Variants in USP34 observed in about 807,000 individuals in gnomAD.
USP34 encodes the protein ubiquitin specific peptidase 34.
In USP34, 70 loss-of-function variants were observed where a neutral mutation model predicts 460.3. The ratio of observed to expected loss-of-function variants is 0.15; its 90% CI spans 0.13 to 0.19. USP34 has a LOEUF of 0.19. USP34 is among the 10% of genes least tolerant of loss of function. The pLI is 1.00. For synonymous variants in USP34, 1,647 were observed against 1,405.3 expected, an observed-to-expected ratio of 1.17 and a Z score of -3.85; for missense variants, 3,985 against 4,236.2, an observed-to-expected ratio of 0.94 and a Z score of 1.65.
intron 29 of USP34, among the ~76,000 whole-genome samples, chr2:61,297,749 ATTTTTT>A (rs113839986): frequency 6.0e-5 from 9 of 149,932 alleles, no homozygotes; most frequent in Admixed American, 6.0e-4. Flanking sequence ...GAAAATCTTT[ATTTTTT>A]TTTTGAGATG....
chr2:61,394,401 A>G (rs1457388225), intron 5 of USP34, among the ~76,000 whole-genome samples: 1 of 152,082 alleles, frequency 6.6e-6, no homozygotes, highest in African/African-American at 2.4e-5. Context: ...CTCTAAAAAA[A>G]GTACAAAAAT....
At chr2:61,223,460 C>T in intron 62 of USP34, 164 bp from the exon 63 acceptor site, 2 of 644,414 alleles carry the variant, frequency 3.1e-6, no homozygotes, top group Non-Finnish European at 5.2e-6. Flanking sequence ...GTCTTTTGGG[C>T]AACTTTTCAA....
intron 1 of USP34, among the ~76,000 whole-genome samples, chr2:61,424,109 T>C (rs964713640): frequency 2.6e-5 from 4 of 152,182 alleles, no homozygotes; most frequent in African/African-American, 9.6e-5. Flanking sequence ...AATTACCATA[T>C]GATCCAGCAA....
At chr2:61,452,006 C>CTACTAAAAA (rs1324191579) in intron 1 of USP34, among the ~76,000 whole-genome samples, 1 of 151,736 alleles carries the variant, frequency 6.6e-6, no homozygotes, top group Non-Finnish European at 1.5e-5. Flanking sequence ...AAACCCGTCT[C>CTACTAAAAA]TACTAAAAAT....
chr2:61,278,092 G>T (rs1689425559), intron 41 of USP34, 73 bp downstream of exon 41: 3 of 1,557,456 alleles, frequency 1.9e-6, no homozygotes, highest in Non-Finnish European at 2.6e-6. Flanking sequence ...TGTAAAAACG[G>T]ACTAATACAC....
intron 2 of USP34, among the ~76,000 whole-genome samples, chr2:61,420,370 G>C (rs912844836): frequency 4.6e-5 from 7 of 152,028 alleles, no homozygotes; most frequent in African/African-American, 1.7e-4. Context: ...TATAGAAACG[G>C]AACAGATATT....
At chr2:61,281,266 A>ATC in intron 37 of USP34, 24 bp from the exon 38 acceptor site, 1 of 1,603,366 alleles carries the variant, frequency 6.2e-7, no homozygotes, top group Non-Finnish European at 8.5e-7. Flanking sequence ...AAAGTTCCAC[A>ATC]AACAGTGAGA....
intron 15 of USP34, among the ~76,000 whole-genome samples, 176 bp from the exon 16 acceptor site, chr2:61,344,205 T>C (rs1378042983): frequency 6.6e-6 from 1 of 152,192 alleles, no homozygotes; most frequent in Non-Finnish European, 1.5e-5. Flanking sequence ...ACTGTCAGAA[T>C]TATTAAATAA....
At chr2:61,317,481 C>T (rs1015396213) in intron 23 of USP34, among the ~76,000 whole-genome samples, 173 bp downstream of exon 23, 1 of 152,174 alleles carries the variant, frequency 6.6e-6, no homozygotes, top group Admixed American at 6.5e-5. Flanking sequence ...GAGCTGAGAT[C>T]ACACCACTGC....
intron 1 of USP34, among the ~76,000 whole-genome samples, chr2:61,422,412 T>G (rs546580118): frequency 3.3e-5 from 5 of 152,322 alleles, no homozygotes; most frequent in Admixed American, 6.5e-5. Flanking sequence ...ACAGCCTAGC[T>G]GCTAACCAAC....
At position 61,295,262 on chromosome 2, in the gene USP34, A is replaced by T; in HGVS notation, c.4283T>A (p.Leu1428His). 5 of 1,606,572 alleles carry T rather than the reference A, an allele frequency of 3.1e-6. No homozygotes were observed. Among genetic ancestry groups the T allele is most frequent in the Non-Finnish European group, 4.2e-6 (5 of 1,177,400 alleles). The change falls in exon 31 of 80, where the codon CTT becomes CAT. Residue 1428 changes from leucine (L) to histidine (H), a missense_variant. Physicochemically the swap from Leu to His is moderately conservative, Grantham distance 99. Around this residue, in one of 14 missense-constraint regions of USP34, gnomAD observed 1,114 missense variants for 1,122.5 expected, o/e 0.99. Transcript: ENST00000398571. ...CTTGTGGGCGCTCTTAATTTTGAGA[A>T]GTTCTTTCCAATTAAATCCATCATT... Reference protein sequence around the residue: ...QSNDGFNWKELLKIKSAHKLL... With the variant: ...QSNDGFNWKEHLKIKSAHKLL...
At chr2:61,232,246 A>G (rs1340091238) in intron 58 of USP34, among the ~76,000 whole-genome samples, 1 of 152,232 alleles carries the variant, frequency 6.6e-6, no homozygotes, top group Non-Finnish European at 1.5e-5. Context: ...GGAAATGTGC[A>G]TAATTTTAAT....
At chr2:61,207,006 T>TGC in intron 70 of USP34, 120 bp from the exon 71 acceptor site, 1 of 1,077,316 alleles carries the variant, frequency 9.3e-7, no homozygotes, top group South Asian at 1.7e-5. Flanking sequence ...TGCACATGTG[T>TGC]GCAAAGCAAA....
At chr2:61,466,089 G>A (rs1332470138) in intron 1 of USP34, among the ~76,000 whole-genome samples, 3 of 152,116 alleles carry the variant, frequency 2.0e-5, no homozygotes, top group South Asian at 2.1e-4. Flanking sequence ...CAGTGAGATA[G>A]AAGGAATAAG....
At chr2:61,413,349 C>T (rs1694098980) in intron 2 of USP34, among the ~76,000 whole-genome samples, 1 of 151,888 alleles carries the variant, frequency 6.6e-6, no homozygotes, top group African/African-American at 2.4e-5. Flanking sequence ...CAAGATCGCG[C>T]CATTGCACTC....
At chr2:61,223,197 C>A (rs368856436) in intron 63 of USP34, 33 bp from the exon 64 acceptor site, 1 of 1,612,368 alleles carries the variant, frequency 6.2e-7, no homozygotes, top group East Asian at 2.2e-5. Context: ...ATTTAAGAAC[C>A]GTTATTATTT....
intron 57 of USP34, among the ~76,000 whole-genome samples, chr2:61,235,241 G>C (rs1414670901): frequency 2.0e-5 from 3 of 151,826 alleles, no homozygotes; most frequent in Non-Finnish European, 4.4e-5. Context: ...CCTTAATAAA[G>C]CTGGTTAAGA....
At chr2:61,246,740 A>G (rs1190971103) in intron 49 of USP34, among the ~76,000 whole-genome samples, 1 of 152,182 alleles carries the variant, frequency 6.6e-6, no homozygotes, top group Non-Finnish European at 1.5e-5. Context: ...TACTACCATA[A>G]AGGACATATT....
At chr2:61,455,619 T>C (rs1417076151) in intron 1 of USP34, among the ~76,000 whole-genome samples, 1 of 152,134 alleles carries the variant, frequency 6.6e-6, no homozygotes, top group Non-Finnish European at 1.5e-5. Flanking sequence ...AAAACTTATA[T>C]GCATATATAC....
Sources: allele counts gnomAD v4.1 joint callset (sites outside exome capture counted in the v4.1 genomes callset), GRCh38; gene constraint gnomAD v4.1.1; regional missense constraint gnomAD v4.1.1; transcripts MANE v1.5; gene names NCBI Gene and HGNC (gene_info 2026-07-23, HGNC 2026-07-21).